CDH4: variants seen among roughly 807,000 people sequenced by gnomAD.
CDH4 encodes the protein cadherin 4, also known as cadherin-4.
Under a neutral mutation model 86.0 loss-of-function variants are expected in CDH4, and 33 were observed. That is an observed-to-expected ratio of 0.38 (90% CI 0.29 to 0.51). CDH4 has a LOEUF of 0.51. CDH4 is among the 20% of genes least tolerant of loss of function. The probability of loss-of-function intolerance (pLI) is 0.86; values close to 1 mark genes in which losing one functional copy is unlikely to be tolerated. For synonymous variants in CDH4, 555 were observed against 549.4 expected (o/e 1.01, Z -0.14); for missense variants, 1,114 against 1,307.4 (o/e 0.85, Z 2.28).
At chr20:61,758,789 G>T (rs2088596909) in intron 3 of CDH4, among the ~76,000 whole-genome samples, 1 of 152,218 alleles carries the variant, frequency 6.6e-6, no homozygotes, top group South Asian at 2.1e-4. Flanking sequence ...CTGCAGGCCT[G>T]TGCAGGCTGG....
intron 3 of CDH4, among the ~76,000 whole-genome samples, chr20:61,770,827 G>A (rs1474579976): frequency 6.8e-6 from 1 of 147,998 alleles, no homozygotes; most frequent in Admixed American, 6.7e-5. Context: ...TGCTTGCAGT[G>A]AGCCGAGATC....
intron 9 of CDH4, among the ~76,000 whole-genome samples, chr20:61,914,431 C>G (rs942680617): frequency 6.6e-6 from 1 of 151,232 alleles, no homozygotes; most frequent in African/African-American, 2.5e-5. Context: ...TCCTCAAAAC[C>G]CTCTTTGGGA....
At chr20:61,885,725 A>T (rs1600737499) in intron 7 of CDH4, among the ~76,000 whole-genome samples, 1 of 151,738 alleles carries the variant, frequency 6.6e-6, no homozygotes, top group East Asian at 1.9e-4. Flanking sequence ...TGGTGCCTGC[A>T]CTCCCTCCTC....
At chr20:61,855,658 C>T (rs73143162) in intron 6 of CDH4, among the ~76,000 whole-genome samples, 14,180 of 152,280 alleles carry the variant, frequency 0.093, 752 homozygotes, top group East Asian at 0.15. Flanking sequence ...TTCCCAAAAG[C>T]GCAATTGGCT....
rs144587992 is a variant in CDH4, at chr20:61,830,712, G to A, written c.577-13956G>A. Reference sequence around the variant, plus strand: ...TCTTCCCCCGAGGCCAGAATCCATCGCAGGCAGGCCCTGCAGAGCGGCAGG... The same window carrying A: ...TCTTCCCCCGAGGCCAGAATCCATCACAGGCAGGCCCTGCAGAGCGGCAGG... On this transcript the variant is annotated intron_variant, in intron 4 of 15. Coordinates refer to ENST00000614565, the MANE Select transcript of CDH4 (RefSeq NM_001794.5). Among the ~76,000 whole-genome samples, 10 of 152,352 alleles carry A rather than the reference G, an allele frequency of 6.6e-5. No homozygotes were observed. The South Asian group carries it at 1.9e-3, about 28-fold the overall frequency.
intron 2 of CDH4, among the ~76,000 whole-genome samples, chr20:61,595,545 A>G (rs1021395413): frequency 6.6e-6 from 1 of 152,026 alleles, no homozygotes; most frequent in Non-Finnish European, 1.5e-5. Context: ...TGTCCCCTGG[A>G]ACAAACAATA....
rs996535448 is a variant in CDH4 at position 61,681,111 on chromosome 20, T to G, written c.170-62452T>G. Reference sequence around the variant, plus strand: ...TTATTAACACATCGCTTGAGGGCATTGTGGATGTGGGCCCTCCAGAATTCA... The same window carrying G: ...TTATTAACACATCGCTTGAGGGCATGGTGGATGTGGGCCCTCCAGAATTCA... On this transcript the variant is annotated intron_variant, in intron 2 of 15. Coordinates refer to ENST00000614565, the MANE Select transcript of CDH4 (RefSeq NM_001794.5). This position sits in a 1 kb window ranked among gnomAD's most constrained non-coding sequence, Gnocchi z 4.5. Among the ~76,000 whole-genome samples, 2 of 152,212 alleles carry G rather than the reference T, an allele frequency of 1.3e-5. No homozygotes were observed. The highest frequency in any genetic ancestry group is 1.3e-4 in the Admixed American group (2 of 15,284).
chr20:61,441,892 C>T (rs2085316633), intron 2 of CDH4, among the ~76,000 whole-genome samples: 1 of 152,172 alleles, frequency 6.6e-6, no homozygotes, highest in African/African-American at 2.4e-5. Flanking sequence ...GGTGGCACGG[C>T]ACGTTCATCC....
intron 2 of CDH4, among the ~76,000 whole-genome samples, chr20:61,425,544 G>A (rs548608385): frequency 6.6e-6 from 1 of 152,370 alleles, no homozygotes; most frequent in South Asian, 2.1e-4. Flanking sequence ...CAGTGGGCAG[G>A]GCAGACGCTG....
intron 2 of CDH4, among the ~76,000 whole-genome samples, chr20:61,572,870 C>T (rs374046636): frequency 3.9e-3 from 358 of 90,714 alleles, no homozygotes; most frequent in East Asian, 6.2e-3. Context: ...GATGGATGGA[C>T]AGACAGAGGG....
At chr20:61,419,271 G>T (rs1171092588) in intron 2 of CDH4, among the ~76,000 whole-genome samples, 1 of 152,126 alleles carries the variant, frequency 6.6e-6, no homozygotes, top group Non-Finnish European at 1.5e-5. Flanking sequence ...GGTGCTTTTG[G>T]TTCTTGTCTC....
rs138597019 is a variant in CDH4 at position 61,361,248 on chromosome 20, G to C, written c.169+106311G>C. Among the ~76,000 whole-genome samples the C allele has an allele frequency of 3.6e-3, 549 of 152,256 alleles. 3 individuals are homozygous for C. The highest frequency in any genetic ancestry group is 0.011 in the African/African-American group (442 of 41,548). On this transcript the variant is annotated intron_variant, in intron 2 of 15. Coordinates refer to ENST00000614565, the MANE Select transcript of CDH4 (RefSeq NM_001794.5). Reference sequence around the variant, plus strand: ...CTCTGGAGACCCTGCTAGGGTTTCTGGGATGGGCCCTCCTTTGCCAAGAGA... The same window carrying C: ...CTCTGGAGACCCTGCTAGGGTTTCTCGGATGGGCCCTCCTTTGCCAAGAGA...
At chr20:61,897,677 G>A (rs1379479499) in intron 8 of CDH4, among the ~76,000 whole-genome samples, 1 of 152,198 alleles carries the variant, frequency 6.6e-6, no homozygotes, top group Non-Finnish European at 1.5e-5. Flanking sequence ...GGTCCCCATG[G>A]CATTTATTAG....
intron 2 of CDH4, among the ~76,000 whole-genome samples, chr20:61,493,476 G>T (rs1031317013): frequency 6.6e-6 from 1 of 152,220 alleles, no homozygotes; most frequent in Admixed American, 6.5e-5. Context: ...CTGGAAAGTG[G>T]GTGCTGATGC....
chr20:61,873,651 G>A (rs1983896156), intron 6 of CDH4, 77 bp from the exon 7 acceptor site: 19 of 1,476,614 alleles, frequency 1.3e-5, no homozygotes, highest in Non-Finnish European at 1.6e-5. Context: ...GTGGTCGGGG[G>A]GCTCTGCCCA....
intron 2 of CDH4, among the ~76,000 whole-genome samples, chr20:61,316,631 A>G (rs544556348): frequency 1.3e-5 from 2 of 152,314 alleles, no homozygotes; most frequent in Non-Finnish European, 2.9e-5. Flanking sequence ...TAGGCCACAA[A>G]TGTTGCTGAC....
At chr20:61,551,500 T>A (rs1267683457) in intron 2 of CDH4, among the ~76,000 whole-genome samples, 1 of 152,108 alleles carries the variant, frequency 6.6e-6, no homozygotes, top group Non-Finnish European at 1.5e-5. Context: ...ATTGCCCTCT[T>A]CCCATCCCAG....
At chr20:61,635,327 C>G (rs966517014) in intron 2 of CDH4, among the ~76,000 whole-genome samples, 1 of 152,198 alleles carries the variant, frequency 6.6e-6, no homozygotes, top group Non-Finnish European at 1.5e-5. Context: ...TTATAATAGC[C>G]ATCCTAAGGA....
At chr20:61,905,882 G>A (rs1034077649) in intron 8 of CDH4, among the ~76,000 whole-genome samples, 6 of 152,180 alleles carry the variant, frequency 3.9e-5, no homozygotes, top group Non-Finnish European at 8.8e-5. Flanking sequence ...AAAAAAAAGA[G>A]AGTGGCTCAT....
Sources: gnomAD v4.1 joint callset for allele counts (sites outside exome capture counted in the v4.1 genomes callset) on GRCh38, gnomAD v4.1.1 for gene constraint, Gnocchi (gnomAD v3.1) non-coding constraint, MANE v1.5 for transcripts, NCBI Gene and HGNC (gene_info 2026-07-23, HGNC 2026-07-21) for gene names.